Variants in AKAP13 observed in about 807,000 individuals in gnomAD.
AKAP13 encodes A-kinase anchoring protein 13.
A neutral mutation model predicts 264.5 loss-of-function variants in AKAP13; 80 were observed. That is an observed-to-expected ratio of 0.30 (90% CI 0.25 to 0.36). AKAP13 has a LOEUF of 0.36. AKAP13 is among the 10% of genes least tolerant of loss of function. The pLI, the probability that AKAP13 is intolerant of heterozygous loss-of-function variation, is 1.00. For missense variants in AKAP13, 3,712 were observed against 3,435.2 expected (o/e 1.08, Z -2.01); for synonymous variants, 1,380 against 1,250.2 (o/e 1.10, Z -2.19).
intron 8 of AKAP13, among the ~76,000 whole-genome samples, chr15:85,593,989 T>C (rs1040851100): frequency 6.6e-6 from 1 of 152,230 alleles, no homozygotes; most frequent in African/African-American, 2.4e-5. Context: ...AGGTTGTTTG[T>C]ATTAACTAGA....
intron 34 of AKAP13, chr15:85,740,574 G>A: frequency 2.5e-6 from 1 of 402,818 alleles, no homozygotes; most frequent in Non-Finnish European, 4.5e-6. Flanking sequence ...ATGATTATAA[G>A]TTTCTATATT....
intron 2 of AKAP13, among the ~76,000 whole-genome samples, chr15:85,491,077 G>A (rs774032927): frequency 6.6e-6 from 1 of 152,128 alleles, no homozygotes; most frequent in Admixed American, 6.5e-5. Flanking sequence ...AGTGGCTGGG[G>A]CTTAATGAGT....
intron 5 of AKAP13, among the ~76,000 whole-genome samples, chr15:85,558,640 G>A (rs1319740477): frequency 1.3e-5 from 2 of 152,196 alleles, no homozygotes; most frequent in South Asian, 2.1e-4. Flanking sequence ...GGAACACATC[G>A]CTTCTCCATT....
At chr15:85,460,526 C>A (rs2074471236) in intron 1 of AKAP13, among the ~76,000 whole-genome samples, 1 of 152,212 alleles carries the variant, frequency 6.6e-6, no homozygotes, top group South Asian at 2.1e-4. Flanking sequence ...ATGGCCCCCA[C>A]AAAGTTGTCC....
intron 2 of AKAP13, among the ~76,000 whole-genome samples, chr15:85,494,428 A>G (rs549299504): frequency 3.9e-5 from 6 of 152,298 alleles, no homozygotes; most frequent in African/African-American, 1.4e-4. Flanking sequence ...GTACAAGGAA[A>G]TAATAGCTGT....
intron 17 of AKAP13, among the ~76,000 whole-genome samples, chr15:85,704,726 T>C (rs2086132148): frequency 6.6e-6 from 1 of 152,260 alleles, no homozygotes; most frequent in African/African-American, 2.4e-5. Flanking sequence ...GCCAGATAAT[T>C]ATTTTCTGAT....
At chr15:85,636,125 C>T (rs1368214439) in intron 8 of AKAP13, among the ~76,000 whole-genome samples, 1 of 152,074 alleles carries the variant, frequency 6.6e-6, no homozygotes, top group Non-Finnish European at 1.5e-5. Flanking sequence ...ATGAGTCTTA[C>T]TCATATTTTC....
At position 85,651,878 on chromosome 15, in the gene AKAP13, G is replaced by T. The variant is rs10152737; in HGVS notation, c.4375-3539G>T. ...GAAATACCTAGGATTCGAATTCTTA[G>T]ATTATATGGTAGGTATAGGTTTAGT... is the stretch of plus-strand genomic sequence containing the variant. On this transcript the variant is annotated intron_variant, in intron 10 of 36. Transcript: ENST00000394518. 8.9e-3 allele frequency among the ~76,000 whole-genome samples: 1,351 copies of T among 152,270 alleles called. 20 individuals carry two copies. The highest frequency in any genetic ancestry group is 0.031 in the African/African-American group (1,297 of 41,552).
chr15:85,409,423 C>T (rs1174371386), intron 1 of AKAP13, among the ~76,000 whole-genome samples: 1 of 151,656 alleles, frequency 6.6e-6, no homozygotes, highest in African/African-American at 2.4e-5. Context: ...GGTGATCTGC[C>T]TGCCTCGGCC....
intron 33 of AKAP13, among the ~76,000 whole-genome samples, chr15:85,737,835 C>T (rs1043559299): frequency 6.6e-5 from 10 of 151,990 alleles, no homozygotes; most frequent in African/African-American, 2.4e-4. Context: ...GATGGGGTTT[C>T]ACCATGTTGC....
At chr15:85,694,924 C>A (rs1025866786) in intron 17 of AKAP13, among the ~76,000 whole-genome samples, 5 of 152,018 alleles carry the variant, frequency 3.3e-5, no homozygotes, top group African/African-American at 1.2e-4. Context: ...CAAGTAATTT[C>A]TTACTAAAAA....
chr15:85,664,624 G>A lies in AKAP13; in HGVS notation c.4861G>A (p.Glu1621Lys). The stretch of plus-strand genomic sequence containing the variant: ...CGGAAACAAGCCATCCTCATCTCTA[G>A]AAGTAAGCTCTGCAAATGCCGAAGA... ...GVGNKPSSSL[E>K]VSSANAEELR... The change falls in exon 13 of 37, where the codon GAA becomes AAA. Residue 1621 changes from glutamate (E) to lysine (K), a missense_variant. Around this residue, in one of 3 missense-constraint regions of AKAP13, gnomAD observed 2,759 missense variants for 2,411.7 expected, o/e 1.14. Transcript: ENST00000394518. The A allele has an allele frequency of 6.2e-7, 1 of 1,614,084 alleles. No individual in the cohort carries two copies. The highest frequency in any genetic ancestry group is 8.5e-7 in the Non-Finnish European group (1 of 1,179,968).
chr15:85,446,454 T>C (rs2150968306), intron 1 of AKAP13, among the ~76,000 whole-genome samples: 1 of 152,242 alleles, frequency 6.6e-6, no homozygotes, highest in Middle Eastern at 3.4e-3. Flanking sequence ...ATGTAGAAGA[T>C]GGATTCAGTG....
At chr15:85,732,194 T>C (rs915935392) in intron 30 of AKAP13, among the ~76,000 whole-genome samples, 9 of 152,272 alleles carry the variant, frequency 5.9e-5, no homozygotes, top group African/African-American at 2.2e-4. Context: ...TCTAGTCCTG[T>C]GGACGTGACC....
chr15:85,434,724 A>G (rs887392559), intron 1 of AKAP13, among the ~76,000 whole-genome samples: 9 of 152,140 alleles, frequency 5.9e-5, no homozygotes, highest in Admixed American at 1.3e-4. Context: ...GACACCTCAC[A>G]CGGCAGGGTA....
intron 14 of AKAP13, among the ~76,000 whole-genome samples, chr15:85,678,693 C>G (rs2084394409): frequency 6.6e-6 from 1 of 151,860 alleles, no homozygotes; most frequent in Non-Finnish European, 1.5e-5. Flanking sequence ...GAAACCATGT[C>G]TCTACTAAAA....
chr15:85,413,268 T>A lies in AKAP13; in HGVS notation c.-12+32470T>A, dbSNP rs74576885. Among the ~76,000 whole-genome samples, 99 of 152,310 alleles carry A rather than the reference T, an allele frequency of 6.5e-4. No homozygotes were observed. In the East Asian group the frequency reaches 0.018, roughly 28 times the overall value. ...TGGAGCTGGATCTTTAGAAGGTGGTTCTTTCAGAACTTCAGAACAGACCGT... is the reference window on the plus strand; with the variant it reads ...TGGAGCTGGATCTTTAGAAGGTGGTACTTTCAGAACTTCAGAACAGACCGT... On this transcript the variant is annotated intron_variant, in intron 1 of 36. Coordinates refer to ENST00000394518, the MANE Select transcript of AKAP13 (RefSeq NM_007200.5).
chr15:85,716,034 G>A (rs1474361093), intron 20 of AKAP13, 111 bp downstream of exon 20: 2 of 1,371,952 alleles, frequency 1.5e-6, no homozygotes, highest in Non-Finnish European at 1.9e-6. Flanking sequence ...AAATCTATAA[G>A]GTCATGGGTT....
intron 1 of AKAP13, among the ~76,000 whole-genome samples, chr15:85,418,181 C>T (rs758049353): frequency 1.3e-5 from 2 of 151,468 alleles, no homozygotes; most frequent in African/African-American, 4.8e-5. Flanking sequence ...GCTCAAGGGA[C>T]CCTCCTGCCT....
Sources: gnomAD v4.1 joint callset for allele counts (sites outside exome capture counted in the v4.1 genomes callset) on GRCh38, gnomAD v4.1.1 for gene constraint, gnomAD v4.1.1 regional missense constraint, MANE v1.5 for transcripts, NCBI Gene and HGNC (gene_info 2026-07-23, HGNC 2026-07-21) for gene names.